ADK: variants seen among roughly 807,000 people sequenced by gnomAD.
ADK encodes the protein N6,N6-dimethyladenosine kinase.
In ADK, 24 loss-of-function variants were observed where a neutral mutation model predicts 44.7. The observed-to-expected ratio is 0.54, with a 90% CI of 0.39 to 0.76. The LOEUF is 0.76. ADK is among the 30% of genes least tolerant of loss of function. The pLI is 0.00. For missense variants in ADK, 321 were observed against 425.1 expected (o/e 0.76, Z 2.15); for synonymous variants, 128 against 142.6 (o/e 0.90, Z 0.73).
chr10:74,626,730 A>AT (rs886432457), intron 9 of ADK, among the ~76,000 whole-genome samples: 2 of 152,234 alleles, frequency 1.3e-5, no homozygotes, highest in African/African-American at 4.8e-5. Context: ...TGAAGGAATT[A>AT]TTTTAAAATT....
At chr10:74,694,062 G>A (rs1464497012) in intron 10 of ADK, among the ~76,000 whole-genome samples, 1 of 148,562 alleles carries the variant, frequency 6.7e-6, no homozygotes, top group Non-Finnish European at 1.5e-5. Context: ...GTGTAATGTA[G>A]CTTATTATAG....
chr10:74,297,470 C>T (rs1239668571), intron 3 of ADK, among the ~76,000 whole-genome samples: 1 of 152,178 alleles, frequency 6.6e-6, no homozygotes, highest in Non-Finnish European at 1.5e-5. Context: ...TTTCCAGTTT[C>T]AGAACCTGTT....
intron 6 of ADK, among the ~76,000 whole-genome samples, chr10:74,422,821 G>A (rs1352798407): frequency 6.6e-6 from 1 of 152,218 alleles, no homozygotes; most frequent in Admixed American, 6.5e-5. Context: ...TAGTGCCAGA[G>A]GTCAGGGTGA....
rs796902967 is a variant in ADK at position 74,695,616 on chromosome 10, T to TGGG, written c.965-12703_965-12701dup. On this transcript the variant is annotated intron_variant, in intron 10 of 10. Coordinates refer to ENST00000539909, the MANE Select transcript of ADK (RefSeq NM_006721.4). ...TTCTTTTACAATTCCTGTGTATGTG[T>TGGG]GGGGTGTGTGTGTGTGTGTGTGTGT... Among the ~76,000 whole-genome samples the TGGG allele has an allele frequency of 1.9e-4, 4 of 21,450 alleles. No homozygotes were observed. In the South Asian group the frequency reaches 5.2e-3, roughly 28 times the overall value. The allele number at this position is 21,450 out of a possible 152,430, so 14.1% of individuals were successfully genotyped here. A position where few individuals can be genotyped will look rare whatever the true frequency, so the allele number is the denominator to read the frequency against.
chr10:74,689,146 G>A (rs1226632773), intron 10 of ADK, among the ~76,000 whole-genome samples: 5 of 150,756 alleles, frequency 3.3e-5, no homozygotes, highest in Admixed American at 6.6e-5. Flanking sequence ...CTACTCGGGA[G>A]GCTGAGGCAG....
At chr10:74,492,781 C>T (rs114239234) in intron 6 of ADK, among the ~76,000 whole-genome samples, 2,114 of 152,176 alleles carry the variant, frequency 0.014, 60 homozygotes, top group African/African-American at 0.045. Context: ...ATGACCTATC[C>T]TTCATGTACC....
intron 9 of ADK, among the ~76,000 whole-genome samples, chr10:74,621,498 T>G (rs922931440): frequency 1.3e-5 from 2 of 152,146 alleles, no homozygotes; most frequent in Admixed American, 1.3e-4. Context: ...TGAAGTCTGA[T>G]AGTATGATAC....
chr10:74,577,805 G>A (rs1851247865), intron 7 of ADK, among the ~76,000 whole-genome samples: 1 of 152,018 alleles, frequency 6.6e-6, no homozygotes, highest in Non-Finnish European at 1.5e-5. Context: ...AGTCAAAATA[G>A]CTAAAAACTA....
At position 74,600,387 on chromosome 10, in the gene ADK, C is replaced by T; in HGVS notation, c.771C>T (p.Asp257=). ...CTTCCTTCTATTAATAGACTAAAGA[C>T]ATTAAAGAGATAGCCAAAAAGACAC... is the stretch of plus-strand genomic sequence containing the variant. The part of the protein sequence containing the change: ...FAREQGFETK[D]IKEIAKKTQA... The change falls in exon 9 of 11, where the codon GAC becomes GAT. Residue 257 remains aspartate, a synonymous_variant. Coordinates refer to ENST00000539909, the MANE Select transcript of ADK (RefSeq NM_006721.4). 1 of 1,607,156 alleles carries T rather than the reference C, an allele frequency of 6.2e-7. No individual in the cohort carries two copies. The highest frequency in any genetic ancestry group is 8.5e-7 in the Non-Finnish European group (1 of 1,175,846).
At chr10:74,498,982 G>A (rs1847792822) in intron 6 of ADK, among the ~76,000 whole-genome samples, 1 of 152,154 alleles carries the variant, frequency 6.6e-6, no homozygotes, top group Admixed American at 6.5e-5. Flanking sequence ...TTTTATGCTT[G>A]GACTATCAGA....
intron 6 of ADK, among the ~76,000 whole-genome samples, chr10:74,493,519 T>C (rs1214711803): frequency 6.6e-6 from 1 of 151,360 alleles, no homozygotes; most frequent in African/African-American, 2.4e-5. Flanking sequence ...TATATAGATA[T>C]AGATATAGAT....
intron 7 of ADK, among the ~76,000 whole-genome samples, chr10:74,540,248 A>T (rs1051107882): frequency 6.6e-6 from 1 of 152,174 alleles, no homozygotes; most frequent in Non-Finnish European, 1.5e-5. Context: ...AACACTGTGT[A>T]ATTTGAAATA....
In ADK at chr10:74,600,487, G is replaced by A; in HGVS notation, c.871G>A (p.Ala291Thr). 1.2e-6 allele frequency: 2 copies of A among 1,603,576 alleles called. No individual in the cohort carries two copies. The highest frequency in any genetic ancestry group is 1.7e-6 in the Non-Finnish European group (2 of 1,172,504). Residue 291 changes from alanine to threonine, a missense_variant, in exon 9 of 11, where the codon GCT (alanine) becomes ACT (threonine). Transcript: ENST00000539909. ...FTQGRDDTIMATESEVTAFAV... is the reference protein window; with the variant it reads ...FTQGRDDTIMTTESEVTAFAV... ...CCAAGGGAGAGATGACACTATAATG[G>A]CTACAGGTACATGTGGGAAATGTGT...
At chr10:74,372,380 C>T (rs887067405) in intron 4 of ADK, 4 of 733,490 alleles carry the variant, frequency 5.5e-6, no homozygotes, top group Admixed American at 5.3e-5. Context: ...ATGCTCAGGC[C>T]ATTGAATGGG....
At chr10:74,583,639 C>G (rs1192323899) in intron 7 of ADK, among the ~76,000 whole-genome samples, 1 of 152,140 alleles carries the variant, frequency 6.6e-6, no homozygotes, top group Admixed American at 6.5e-5. Flanking sequence ...CCCACCTCAG[C>G]CTCCCAAAAT....
intron 7 of ADK, chr10:74,527,693 T>C: frequency 8.1e-7 from 1 of 1,234,704 alleles, no homozygotes; most frequent in Non-Finnish European, 1.2e-6. Context: ...AATGCCTCTC[T>C]TATTTCTGCA....
chr10:74,421,327 A>G (rs1844547661), intron 6 of ADK, among the ~76,000 whole-genome samples: 1 of 152,152 alleles, frequency 6.6e-6, no homozygotes, highest in Non-Finnish European at 1.5e-5. Context: ...AAGTAAATGG[A>G]TGATGAATGG....
chr10:74,493,471 TATATAGAGAGATATATAG>T (rs1218490421), intron 6 of ADK, among the ~76,000 whole-genome samples: 4 of 151,430 alleles, frequency 2.6e-5, no homozygotes, highest in East Asian at 3.9e-4. Context: ...AGAAGAGATA[TATATAGAGAGATATATAG>T]ATATAGAGAG....
At chr10:74,312,741 A>T (rs1487851320) in intron 3 of ADK, among the ~76,000 whole-genome samples, 1 of 143,046 alleles carries the variant, frequency 7.0e-6, no homozygotes, top group East Asian at 2.0e-4. Flanking sequence ...CCTGTCTCTA[A>T]AAAAAAAAAA....
Sources: gnomAD v4.1 joint callset for allele counts (sites outside exome capture counted in the v4.1 genomes callset) on GRCh38, gnomAD v4.1.1 for gene constraint, MANE v1.5 for transcripts, NCBI Gene and HGNC (gene_info 2026-07-23, HGNC 2026-07-21) for gene names.